The following FER1L5 variants were observed in gnomAD, a reference collection of about 807,000 sequenced individuals.
FER1L5 encodes the protein fer-1-like protein 5.
A neutral mutation model predicts 279.9 loss-of-function variants in FER1L5; 187 were observed. That is an observed-to-expected ratio of 0.67 (90% CI 0.59 to 0.75). FER1L5 has a LOEUF of 0.75. Ranked by LOEUF, FER1L5 falls within the 30% of genes least tolerant of loss-of-function variation. The pLI is 0.00. For synonymous variants in FER1L5, 921 were observed against 989.7 expected, an observed-to-expected ratio of 0.93 and a Z score of 1.30; for missense variants, 2,091 against 2,594.4, an observed-to-expected ratio of 0.81 and a Z score of 4.21.
chr2:96,654,909 A>G (rs1336898661), intron 9 of FER1L5: 1 of 152,176 alleles, frequency 6.6e-6, no homozygotes, highest in African/African-American at 2.4e-5. Context: ...AAAAAAAAAA[A>G]AAAAAAAAAG....
rs780482420 is a variant in FER1L5 at position 96,695,797 on chromosome 2, A to ACTGGGC, written c.3953_3958dup (p.Trp1318_Ala1319dup). 1 of 1,613,130 alleles carries ACTGGGC rather than the reference A, an allele frequency of 6.2e-7. No homozygotes were observed. The highest frequency in any genetic ancestry group is 8.5e-7 in the Non-Finnish European group (1 of 1,179,578). On this transcript the variant is annotated inframe_insertion, in exon 36 of 53. Coordinates refer to ENST00000624922, the MANE Select transcript of FER1L5 (RefSeq NM_001293083.2). Reference sequence around the variant, plus strand: ...CCCCTCGTGGTGAAGGTGGTAGACAACTGGGCCTTCGGCCAGCAGACCGTG... The same window carrying ACTGGGC: ...CCCCTCGTGGTGAAGGTGGTAGACAACTGGGCCTGGGCCTTCGGCCAGCAGACCGTG...
intron 51 of FER1L5, 119 bp downstream of exon 51, chr2:96,703,751 TCA>T: frequency 1.2e-6 from 1 of 809,888 alleles, no homozygotes; most frequent in Non-Finnish European, 2.0e-6. Flanking sequence ...AGCTCTGTGC[TCA>T]GTTACAATCA....
intron 45 of FER1L5, 26 bp downstream of exon 45, chr2:96,700,497 G>T: frequency 6.2e-7 from 1 of 1,611,202 alleles, no homozygotes. Flanking sequence ...GGCCACTCCT[G>T]GCTCCTACAG....
chr2:96,684,456 G>A lies in FER1L5; in HGVS notation c.1794+5G>A. The A allele has an allele frequency of 6.4e-7, 1 of 1,551,024 alleles. No individual in the cohort carries two copies. Among genetic ancestry groups the A allele is most frequent in the South Asian group, 1.2e-5 (1 of 84,010 alleles). ...CACTTCACTCGGGACCGCCTGGTGAGTGGTGCGGGAGCCGATGCTGGGAAG... is the reference window on the plus strand; with the variant it reads ...CACTTCACTCGGGACCGCCTGGTGAATGGTGCGGGAGCCGATGCTGGGAAG... On this transcript the variant is annotated splice_donor_5th_base_variant and intron_variant, in intron 20 of 52. Transcript: ENST00000624922.
Position 96,704,602 on chromosome 2 carries a change from G to A in FER1L5, c.6084G>A (p.Lys2028=), listed in dbSNP as rs772399905. 4 of 1,613,842 alleles carry A rather than the reference G, an allele frequency of 2.5e-6. No homozygotes were observed. In the Admixed American group the frequency reaches 5.0e-5, roughly 20 times the overall value. The change falls in exon 53 of 53, where the codon AAG becomes AAA. Residue 2028 remains lysine, a synonymous_variant. Transcript: ENST00000624922. Reference sequence around the variant, plus strand: ...TTCCCACCCAGGATCCAAACCTAAAGCCTACAATAGACCATGAGTGGAAAC... The same window carrying A: ...TTCCCACCCAGGATCCAAACCTAAAACCTACAATAGACCATGAGTGGAAAC... ...SILPTQDPNL[K]PTIDHEWKLH...
chr2:96,664,902 AT>A (rs1214226392), intron 14 of FER1L5, among the ~76,000 whole-genome samples: 3 of 152,166 alleles, frequency 2.0e-5, no homozygotes, highest in Non-Finnish European at 4.4e-5. Flanking sequence ...CTTTTTGTTG[AT>A]GGCCTGGAGC....
chr2:96,645,149 A>T (rs2075061946), intron 1 of FER1L5, among the ~76,000 whole-genome samples: 1 of 152,108 alleles, frequency 6.6e-6, no homozygotes, highest in Non-Finnish European at 1.5e-5. Flanking sequence ...TGTCTTCGTT[A>T]GGGTACACTG....
chr2:96,646,251 G>A (rs1573757602), intron 1 of FER1L5, 150 bp from the exon 2 acceptor site: 1 of 672,438 alleles, frequency 1.5e-6, no homozygotes, highest in Non-Finnish European at 2.5e-6. Flanking sequence ...GCCTGCCTCG[G>A]CCTCCCAAAG....
At chr2:96,643,482 T>G (rs1188323631) in intron 1 of FER1L5, among the ~76,000 whole-genome samples, 3 of 152,092 alleles carry the variant, frequency 2.0e-5, no homozygotes, top group Non-Finnish European at 4.4e-5. Context: ...CCGAAGTAGC[T>G]GGGACTACAG....
In FER1L5 at chr2:96,691,072, GCCAGAGA is replaced by G. The variant is rs891194876; in HGVS notation, c.2744-115_2744-109del. ...CACACTCTCCTTTCCACACCTCAGG[GCCAGAGA>G]CCTGGATGTGAGGGAAGTAATGCCC... On this transcript the variant is annotated intron_variant, in intron 27 of 52. Coordinates refer to ENST00000624922, the MANE Select transcript of FER1L5 (RefSeq NM_001293083.2). The surrounding 1 kb of genome is among the most constrained non-coding windows in gnomAD (Gnocchi z 6.0). 540 of 1,306,744 alleles carry G rather than the reference GCCAGAGA, an allele frequency of 4.1e-4. 2 individuals are homozygous for G. The African/African-American group carries it at 7.0e-3, about 17-fold the overall frequency. 80.9% of individuals were successfully genotyped at this position (1,306,744 alleles called of 1,614,324 possible). A position where few individuals can be genotyped will look rare whatever the true frequency, so the allele number is the denominator to read the frequency against.
At chr2:96,659,401 C>A (rs1215060307) in intron 9 of FER1L5, among the ~76,000 whole-genome samples, 1 of 6,088 alleles carries the variant, frequency 1.6e-4, no homozygotes, top group Non-Finnish European at 2.5e-4. Flanking sequence ...TTCTTTCTTT[C>A]TTTCTTTCTT....
chr2:96,699,451 T>C (rs1331127961), intron 42 of FER1L5, 99 bp from the exon 43 acceptor site: 4 of 1,346,930 alleles, frequency 3.0e-6, no homozygotes, highest in Admixed American at 2.1e-5. Flanking sequence ...ACAATCTCCA[T>C]GAACAAACAA....
At chr2:96,690,040 T>G (rs2077082348) in intron 26 of FER1L5, among the ~76,000 whole-genome samples, 1 of 152,238 alleles carries the variant, frequency 6.6e-6, no homozygotes, top group Non-Finnish European at 1.5e-5. Context: ...GGAGAGAATC[T>G]GCTTGGGGTA....
At chr2:96,685,859 G>A (rs1028732012) in intron 21 of FER1L5, 81 bp from the exon 22 acceptor site, 23 of 1,439,412 alleles carry the variant, frequency 1.6e-5, no homozygotes, top group Admixed American at 2.8e-5. Context: ...GGAGGGGCAC[G>A]CTGGCCTAAG....
Position 96,702,801 on chromosome 2 carries a change from G to A in FER1L5, c.5397+60G>A. 2 of 1,593,966 alleles carry A rather than the reference G, an allele frequency of 1.3e-6. No homozygotes were observed. Among genetic ancestry groups the A allele is most frequent in the Non-Finnish European group, 1.7e-6 (2 of 1,170,928 alleles). ...CAACAAACAGACCCAGGCTCCTGGA[G>A]CTCCTCCCCCCACCCCTCCAGAGGC... is the stretch of plus-strand genomic sequence containing the variant. On this transcript the variant is annotated intron_variant, in intron 48 of 52. Transcript: ENST00000624922. This position sits in a 1 kb window ranked among gnomAD's most constrained non-coding sequence, Gnocchi z 4.0.
At position 96,646,453 on chromosome 2, in the gene FER1L5, G is replaced by A; in HGVS notation, c.138G>A (p.Glu46=). ...VVEGNDPVWN[E]TLIWHLWNRP... The stretch of plus-strand genomic sequence containing the variant: ...AAGGGAATGATCCCGTGTGGAATGA[G>A]GTAGACAACAGGGCAAGCCCAGAAG... Residue 46 remains glutamate (E), a splice_region_variant and synonymous_variant, in exon 2 of 53, where the codon GAG becomes GAA. Transcript: ENST00000624922. 6.4e-7 allele frequency: 1 copy of A among 1,551,776 alleles called. No homozygotes were observed. Among genetic ancestry groups the A allele is most frequent in the Non-Finnish European group, 8.7e-7 (1 of 1,146,956 alleles).
chr2:96,660,280 T>C, intron 9 of FER1L5, 61 bp from the exon 10 acceptor site: 2 of 1,539,388 alleles, frequency 1.3e-6, no homozygotes, highest in South Asian at 2.4e-5. Context: ...TCAGGTTAGT[T>C]GGTATTACAA....
intron 44 of FER1L5, 39 bp from the exon 45 acceptor site, chr2:96,700,293 G>T (rs1274514329): frequency 6.2e-7 from 1 of 1,608,122 alleles, no homozygotes; most frequent in South Asian, 1.1e-5. Context: ...GAAGGCTAAT[G>T]ACCTCGCAAT....
At chr2:96,682,283 AGTTTCGCCAT>A (rs2076758734) in intron 19 of FER1L5, among the ~76,000 whole-genome samples, 1 of 151,444 alleles carries the variant, frequency 6.6e-6, no homozygotes, top group Non-Finnish European at 1.5e-5. Context: ...GTAGAGACAG[AGTTTCGCCAT>A]GTTGGCCAGG....
Sources: gnomAD v4.1 joint callset for allele counts (sites outside exome capture counted in the v4.1 genomes callset) on GRCh38, gnomAD v4.1.1 for gene constraint, Gnocchi (gnomAD v3.1) non-coding constraint, MANE v1.5 for transcripts, NCBI Gene and HGNC (gene_info 2026-07-23, HGNC 2026-07-21) for gene names.